XCR1: variants seen among roughly 807,000 people sequenced by gnomAD.
XCR1 encodes the protein chemokine XC receptor 1.
For missense variants in XCR1, 356 were observed against 424.2 expected (o/e 0.84, Z 1.41); for synonymous variants, 187 against 188.5 (o/e 0.99, Z 0.06).
Position 46,021,149 on chromosome 3 carries a change from A to C in XCR1, c.799T>G (p.Tyr267Asp). ...RSCEAKQQLE[Y>D]ALLICRNLAF... ...AGGTTGCGGCAGATGAGCAGGGCGT[A>C]TTCTAGCTGCTGTTTGGCCTCGCAG... Residue 267 changes from tyrosine to aspartate, a missense_variant, in exon 2 of 2, where the codon TAC (tyrosine) becomes GAC (aspartate). By Grantham distance (160) the Tyr-to-Asp change is radical. Coordinates refer to ENST00000309285, the MANE Select transcript of XCR1 (RefSeq NM_001024644.2). This position sits in a 1 kb window ranked among gnomAD's most constrained non-coding sequence, Gnocchi z 4.7. 1 of 1,614,260 alleles carries C rather than the reference A, an allele frequency of 6.2e-7. No individual in the cohort carries two copies. The highest frequency in any genetic ancestry group is 1.1e-5 in the South Asian group (1 of 91,086).
At chr3:46,071,680 A>C (rs1437447154) in intron 3 of XCR1, among the ~76,000 whole-genome samples, 1 of 152,214 alleles carries the variant, frequency 6.6e-6, no homozygotes, top group Non-Finnish European at 1.5e-5. Context: ...CATGTGATTC[A>C]CCACATAAAC....
At chr3:46,085,046 C>T (rs764970553) in intron 1 of XCR1, among the ~76,000 whole-genome samples, 3 of 152,086 alleles carry the variant, frequency 2.0e-5, no homozygotes, top group Non-Finnish European at 2.9e-5. Flanking sequence ...GCTGGCCTCA[C>T]ATTGGCTCAA....
intron 1 of XCR1, among the ~76,000 whole-genome samples, chr3:46,081,707 A>T (rs78288825): frequency 0.041 from 4,704 of 116,050 alleles, 241 homozygotes; most frequent in African/African-American, 0.25. Flanking sequence ...TTTTTTTTTT[A>T]AAAATCTTAT....
chr3:46,046,018 T>C lies in XCR1; in HGVS notation c.-32+7902A>G, dbSNP rs559947302. ...AAGAAAATGTAGTATATAAGCACAATGGAATACCATTCAGCTGTTAAAAAG... is the reference window on the plus strand; with the variant it reads ...AAGAAAATGTAGTATATAAGCACAACGGAATACCATTCAGCTGTTAAAAAG... On this transcript the variant is annotated intron_variant, in intron 5 of 5. Coordinates refer to the XCR1 transcript ENST00000683768. 4.6e-5 allele frequency among the ~76,000 whole-genome samples: 7 copies of C among 152,288 alleles called. No homozygotes were observed. The East Asian group carries it at 7.7e-4, about 17-fold the overall frequency.
chr3:46,023,975 G>A (rs1485159492), intron 1 of XCR1: 11 of 1,451,132 alleles, frequency 7.6e-6, no homozygotes, highest in Admixed American at 3.5e-5. Context: ...TCAGAATTAC[G>A]GAGCTTGCCG....
chr3:46,038,017 G>A (rs890037781), intron 5 of XCR1, among the ~76,000 whole-genome samples: 1 of 138,336 alleles, frequency 7.2e-6, no homozygotes, highest in Non-Finnish European at 1.5e-5. Context: ...TTGTGTGCAC[G>A]GGTTTGTTTT....
chr3:46,084,473 T>C (rs1430762235), intron 1 of XCR1, among the ~76,000 whole-genome samples: 1 of 152,230 alleles, frequency 6.6e-6, no homozygotes, highest in Non-Finnish European at 1.5e-5. Context: ...CTAGACTAAC[T>C]GATGCCAAGT....
intron 5 of XCR1, among the ~76,000 whole-genome samples, chr3:46,052,118 C>T (rs374766686): frequency 1.1e-4 from 16 of 152,282 alleles, no homozygotes; most frequent in East Asian, 5.8e-4. Context: ...CAAGTTAAGG[C>T]GGCTTTTGCC....
At chr3:46,069,852 T>C (rs1698137184) in intron 3 of XCR1, among the ~76,000 whole-genome samples, 1 of 152,064 alleles carries the variant, frequency 6.6e-6, no homozygotes, top group Non-Finnish European at 1.5e-5. Flanking sequence ...GGGTTTGTTT[T>C]TTTCTTCTTT....
Position 46,023,351 on chromosome 3 carries a change from A to C in XCR1, c.-31-1373T>G. On this transcript the variant is annotated intron_variant, in intron 1 of 1. Transcript: ENST00000309285. ...GCTCATCAGCAGAGCAGACGAGCCGACCGTTTATTAGCTGCAGGCAAATAC... is the reference window on the plus strand; with the variant it reads ...GCTCATCAGCAGAGCAGACGAGCCGCCCGTTTATTAGCTGCAGGCAAATAC... 7 of 1,369,142 alleles carry C rather than the reference A, an allele frequency of 5.1e-6. 1 individual carries two copies. The South Asian group carries it at 8.4e-5, about 16-fold the overall frequency. The allele number at this position is 1,369,142 out of a possible 1,614,324, so 84.8% of individuals were successfully genotyped here. A position where few individuals can be genotyped will look rare whatever the true frequency, so the allele number is the denominator to read the frequency against.
intron 4 of XCR1, among the ~76,000 whole-genome samples, chr3:46,065,792 C>T (rs539926250): frequency 5.9e-5 from 9 of 152,128 alleles, no homozygotes; most frequent in Non-Finnish European, 1.2e-4. Flanking sequence ...AGGACTGAGC[C>T]CTGGGCGGTG....
At chr3:46,023,785 G>A (rs1337547717) in intron 1 of XCR1, 5 of 1,542,770 alleles carry the variant, frequency 3.2e-6, no homozygotes, top group South Asian at 1.1e-5. Context: ...CCCAGAAGAT[G>A]ATAAAACAAT....
intron 3 of XCR1, among the ~76,000 whole-genome samples, chr3:46,070,466 GTGT>G (rs1346861766): frequency 6.6e-6 from 1 of 151,844 alleles, no homozygotes; most frequent in Admixed American, 6.6e-5. Flanking sequence ...GAGTGCTGTG[GTGT>G]TGGCTGCATA....
At chr3:46,040,470 G>A (rs1697521042) in intron 5 of XCR1, among the ~76,000 whole-genome samples, 1 of 152,116 alleles carries the variant, frequency 6.6e-6, no homozygotes, top group African/African-American at 2.4e-5. Context: ...GAATTATACA[G>A]CAAGCATTGT....
intron 5 of XCR1, among the ~76,000 whole-genome samples, chr3:46,051,864 A>C (rs1697751105): frequency 6.6e-6 from 1 of 152,112 alleles, no homozygotes; most frequent in African/African-American, 2.4e-5. Context: ...GTCTCTACTA[A>C]AAATACAAAA....
chr3:46,064,058 AG>A (rs1698015340), intron 4 of XCR1, among the ~76,000 whole-genome samples: 1 of 152,124 alleles, frequency 6.6e-6, no homozygotes, highest in Non-Finnish European at 1.5e-5. Flanking sequence ...TTTTTAGTAG[AG>A]ACAAAGTCTT....
chr3:46,037,328 G>A (rs930632587), intron 5 of XCR1, among the ~76,000 whole-genome samples: 3 of 152,164 alleles, frequency 2.0e-5, no homozygotes, highest in South Asian at 2.1e-4. Context: ...CCAGTAAATA[G>A]GGGAGAGAGA....
intron 5 of XCR1, among the ~76,000 whole-genome samples, chr3:46,041,261 T>A (rs1697532418): frequency 6.6e-6 from 1 of 152,162 alleles, no homozygotes; most frequent in Non-Finnish European, 1.5e-5. Context: ...TCTAAGGGCT[T>A]TGACTGAAAT....
upstream of XCR1, among the ~76,000 whole-genome samples, chr3:46,029,056 T>A (rs1337013222): frequency 1.3e-5 from 2 of 152,226 alleles, no homozygotes; most frequent in Non-Finnish European, 2.9e-5. Flanking sequence ...CATCTATCCT[T>A]ATGTCAGTAC....
Sources: gnomAD v4.1 joint callset for allele counts (sites outside exome capture counted in the v4.1 genomes callset) on GRCh38, gnomAD v4.1.1 for gene constraint, Gnocchi (gnomAD v3.1) non-coding constraint, MANE v1.5 for transcripts, NCBI Gene and HGNC (gene_info 2026-07-23, HGNC 2026-07-21) for gene names.